The following DUSP14 variants were observed in gnomAD, a reference collection of about 807,000 sequenced individuals.
DUSP14 encodes dual specificity phosphatase 14.
DUSP14 carries 5 observed loss-of-function variants against 13.2 expected under a neutral mutation model. The observed-to-expected ratio is 0.38, with a 90% CI of 0.20 to 0.80. DUSP14 has a LOEUF of 0.80. Among genes scored for constraint, DUSP14 ranks in the 30% least tolerant of loss-of-function variants. The pLI, the probability that DUSP14 is intolerant of heterozygous loss-of-function variation, is 0.44. For missense variants in DUSP14, 185 were observed against 264.0 expected, an observed-to-expected ratio of 0.70 and a Z score of 2.07; for synonymous variants, 91 against 103.4, an observed-to-expected ratio of 0.88 and a Z score of 0.73.
At chr17:37,502,000 C>T (rs1237108313) in intron 1 of DUSP14, among the ~76,000 whole-genome samples, 1 of 152,120 alleles carries the variant, frequency 6.6e-6, no homozygotes, top group African/African-American at 2.4e-5. Flanking sequence ...TACTGTTATT[C>T]AGTTGTTTTT....
intron 1 of DUSP14, among the ~76,000 whole-genome samples, chr17:37,509,127 A>ATATATATATG: frequency 2.4e-5 from 1 of 42,456 alleles, no homozygotes; most frequent in African/African-American, 1.2e-4. Context: ...ATATATATAT[A>ATATATATATG]TACACACACA....
At chr17:37,491,612 T>C (rs900692802) in intron 1 of DUSP14, 1 of 152,202 alleles carries the variant, frequency 6.6e-6, no homozygotes, top group Non-Finnish European at 1.5e-5. Flanking sequence ...AAAGCTTTCA[T>C]ATCGGTTGAC....
At chr17:37,495,640 C>A (rs2143056709) in intron 1 of DUSP14, among the ~76,000 whole-genome samples, 1 of 145,648 alleles carries the variant, frequency 6.9e-6, no homozygotes, top group Non-Finnish European at 1.5e-5. Context: ...GGTGAACTTG[C>A]TTTAAGTTTT....
chr17:37,499,283 G>C (rs947092126), intron 1 of DUSP14, among the ~76,000 whole-genome samples: 1 of 152,172 alleles, frequency 6.6e-6, no homozygotes, highest in Non-Finnish European at 1.5e-5. Context: ...GGTGAGATTT[G>C]AGTGGGGACA....
At chr17:37,493,872 T>TA (rs1381630593) in intron 1 of DUSP14, among the ~76,000 whole-genome samples, 34 of 152,248 alleles carry the variant, frequency 2.2e-4, no homozygotes, top group African/African-American at 7.7e-4. Flanking sequence ...CTATCCTTGT[T>TA]AAAGTACCCT....
intron 1 of DUSP14, among the ~76,000 whole-genome samples, chr17:37,498,591 G>C (rs1480776064): frequency 6.6e-6 from 1 of 151,790 alleles, no homozygotes. Context: ...CTCCCAAAGT[G>C]CTGGGATTAC....
At chr17:37,511,967 C>T in intron 2 of DUSP14, among the ~76,000 whole-genome samples, 1 of 76,410 alleles carries the variant, frequency 1.3e-5, no homozygotes, top group African/African-American at 4.6e-5. Context: ...GGACAATCAC[C>T]AGAGAGCTGA....
intron 1 of DUSP14, among the ~76,000 whole-genome samples, chr17:37,504,635 T>C (rs1299405235): frequency 6.6e-6 from 1 of 152,130 alleles, no homozygotes; most frequent in Non-Finnish European, 1.5e-5. Context: ...CTGGCTGGAG[T>C]GCTACAATCA....
At chr17:37,489,096 T>C (rs2054007505), upstream of DUSP14, among the ~76,000 whole-genome samples, 1 of 152,114 alleles carries the variant, frequency 6.6e-6, no homozygotes, top group African/African-American at 2.4e-5. Flanking sequence ...CTGGAAAACG[T>C]CCGTTTCGCA....
intron 1 of DUSP14, among the ~76,000 whole-genome samples, chr17:37,499,012 G>A (rs1434690396): frequency 2.0e-5 from 3 of 152,210 alleles, no homozygotes; most frequent in Non-Finnish European, 4.4e-5. Context: ...GATTGGTGTA[G>A]TAGCCCATTC....
chr17:37,490,480 A>G (rs2054020184), intron 1 of DUSP14, among the ~76,000 whole-genome samples: 1 of 152,156 alleles, frequency 6.6e-6, no homozygotes, highest in Admixed American at 6.5e-5. Flanking sequence ...CGGTGCTAAC[A>G]TCTGTCTTTT....
chr17:37,496,884 C>T (rs1333216211), intron 1 of DUSP14, among the ~76,000 whole-genome samples: 1 of 146,102 alleles, frequency 6.8e-6, no homozygotes, highest in Non-Finnish European at 1.5e-5. Context: ...CCACTGCACT[C>T]CAGCCTGGGC....
Position 37,503,182 on chromosome 17 carries a change from T to C in DUSP14, c.-180-7495T>C, listed in dbSNP as rs1364471493. On this transcript the variant is annotated intron_variant, in intron 1 of 2. Coordinates refer to ENST00000617516, the MANE Select transcript of DUSP14 (RefSeq NM_007026.4). ...GCTTATGCCTGTAATCCCAGCACTT[T>C]GGGAGGCCGAGGTAGGTAGATTGCT... Among the ~76,000 whole-genome samples the C allele has an allele frequency of 4.0e-5, 6 of 151,780 alleles. No homozygotes were observed. The East Asian group carries it at 1.2e-3, about 30-fold the overall frequency.
intron 1 of DUSP14, among the ~76,000 whole-genome samples, chr17:37,504,987 G>A (rs2143098189): frequency 6.6e-6 from 1 of 152,334 alleles, no homozygotes; most frequent in Non-Finnish European, 1.5e-5. Flanking sequence ...CGCCTCCCGG[G>A]TTCAAGCGAT....
intron 1 of DUSP14, among the ~76,000 whole-genome samples, chr17:37,509,124 TATATACACACACAC>T (rs1375408484): frequency 2.3e-5 from 1 of 42,814 alleles, no homozygotes; most frequent in African/African-American, 1.0e-4. Flanking sequence ...TATATATATA[TATATACACACACAC>T]ACACACACAC....
chr17:37,490,118 C>G lies in DUSP14; in HGVS notation c.-181+160C>G, dbSNP rs901721146. Among the ~76,000 whole-genome samples, 41 of 151,518 alleles carry G rather than the reference C, an allele frequency of 2.7e-4. 1 individual carries two copies. Among genetic ancestry groups the G allele is most frequent in the African/African-American group, 9.9e-4 (41 of 41,340 alleles). On this transcript the variant is annotated intron_variant, in intron 1 of 2. Coordinates refer to ENST00000617516, the MANE Select transcript of DUSP14 (RefSeq NM_007026.4). ...TTGTGCCGGCGCCCCCACCTGCTCC[C>G]TGGCGGTCCTTGACTCTTCGGGGCG...
At chr17:37,509,385 C>T (rs1468330372) in intron 1 of DUSP14, among the ~76,000 whole-genome samples, 12 of 144,386 alleles carry the variant, frequency 8.3e-5, no homozygotes, top group African/African-American at 2.6e-4. Context: ...GGTGCAATTT[C>T]GGCTCCACTG....
intron 1 of DUSP14, among the ~76,000 whole-genome samples, chr17:37,491,086 A>T (rs773858378): frequency 4.2e-4 from 64 of 152,356 alleles, no homozygotes; most frequent in Middle Eastern, 3.4e-3. Context: ...TGGACAAGTC[A>T]CAGTTTCTCT....
chr17:37,490,245 C>T (rs930671179), intron 1 of DUSP14, among the ~76,000 whole-genome samples: 47 of 152,014 alleles, frequency 3.1e-4, no homozygotes, highest in African/African-American at 1.0e-3. Context: ...CCCCCGCGAC[C>T]CTGTCCCTGT....
Sources: allele counts gnomAD v4.1 joint callset (sites outside exome capture counted in the v4.1 genomes callset), GRCh38; gene constraint gnomAD v4.1.1; transcripts MANE v1.5; gene names NCBI Gene and HGNC (gene_info 2026-07-23, HGNC 2026-07-21).